Variants in ZNF420 observed in about 807,000 individuals in gnomAD.
ZNF420 encodes zinc finger protein 420.
In ZNF420, 31 loss-of-function variants were observed where a neutral mutation model predicts 44.7. The observed-to-expected ratio is 0.69, with a 90% CI of 0.52 to 0.94. ZNF420 has a LOEUF of 0.94. Among genes scored for constraint, ZNF420 ranks in the 40% least tolerant of loss-of-function variants. The pLI is 0.00. For synonymous variants in ZNF420, 245 were observed against 267.4 expected, an observed-to-expected ratio of 0.92 and a Z score of 0.82; for missense variants, 681 against 827.9, an observed-to-expected ratio of 0.82 and a Z score of 2.18.
chr19:37,058,439 G>A (rs1473149754), intron 1 of ZNF420, among the ~76,000 whole-genome samples: 8 of 152,112 alleles, frequency 5.3e-5, no homozygotes, highest in Admixed American at 3.9e-4. Flanking sequence ...TGGATGGACT[G>A]CCTCCCAGAA....
chr19:37,073,683 T>TGAGCC (rs1353685841), upstream of ZNF420, among the ~76,000 whole-genome samples: 1 of 142,844 alleles, frequency 7.0e-6, no homozygotes, highest in Non-Finnish European at 1.5e-5. Flanking sequence ...GAGGTTGCAG[T>TGAGCC]GAGCCGAGCC....
At chr19:37,023,087 G>A (rs969210559) in intron 1 of ZNF420, among the ~76,000 whole-genome samples, 3 of 151,862 alleles carry the variant, frequency 2.0e-5, no homozygotes, top group East Asian at 3.9e-4. Flanking sequence ...GCAGTGAGCC[G>A]AGATTGCACC....
intron 1 of ZNF420, among the ~76,000 whole-genome samples, chr19:37,027,302 A>G (rs1384294081): frequency 6.6e-6 from 1 of 152,226 alleles, no homozygotes; most frequent in Non-Finnish European, 1.5e-5. Flanking sequence ...TTGTAGGTGT[A>G]CAGAAAAACA....
chr19:37,019,956 G>GC (rs1249545759), intron 1 of ZNF420, among the ~76,000 whole-genome samples: 50 of 151,996 alleles, frequency 3.3e-4, no homozygotes, highest in African/African-American at 1.1e-3. Flanking sequence ...GGTGGCTCAC[G>GC]CCTGTAATCT....
chr19:37,043,433 T>C (rs2146413663), intron 1 of ZNF420, among the ~76,000 whole-genome samples: 1 of 152,376 alleles, frequency 6.6e-6, no homozygotes, highest in South Asian at 2.1e-4. Flanking sequence ...ATTTATATTA[T>C]AACCTAAATT....
chr19:37,108,715 A>C (rs1223585181), intron 4 of ZNF420, among the ~76,000 whole-genome samples: 3 of 152,136 alleles, frequency 2.0e-5, no homozygotes, highest in African/African-American at 7.2e-5. Context: ...CCCATTCCCA[A>C]GGGTAGAAAG....
chr19:37,129,916 C>G lies in ZNF420; in HGVS notation c.*858C>G, dbSNP rs1227480942. 2.3e-6 allele frequency: 3 copies of G among 1,298,656 alleles called. No individual in the cohort carries two copies. Among genetic ancestry groups the G allele is most frequent in the South Asian group, 1.8e-5 (1 of 55,904 alleles). 80.4% of individuals were successfully genotyped at this position (1,298,656 alleles called of 1,614,324 possible). On this transcript the variant is annotated 3_prime_UTR_variant, in exon 5 of 5. Coordinates refer to ENST00000337995, the MANE Select transcript of ZNF420 (RefSeq NM_144689.5). The stretch of plus-strand genomic sequence containing the variant: ...ATTGCTTTTGAAGTAAACAAAATAA[C>G]TGATATTACAGACTATTTTGCAATG...
At chr19:37,118,698 C>T (rs556385387) in intron 4 of ZNF420, among the ~76,000 whole-genome samples, 1 of 151,152 alleles carries the variant, frequency 6.6e-6, no homozygotes, top group East Asian at 2.0e-4. Context: ...AGTCAAGACC[C>T]ATCAGTGTGC....
At chr19:37,120,185 A>G (rs1219401135) in intron 4 of ZNF420, among the ~76,000 whole-genome samples, 1 of 152,220 alleles carries the variant, frequency 6.6e-6, no homozygotes, top group African/African-American at 2.4e-5. Flanking sequence ...AGAATTTTAG[A>G]CCAATATTCC....
At chr19:37,107,608 CCTTTT>C (rs1162955922) in intron 4 of ZNF420, 2 of 151,840 alleles carry the variant, frequency 1.3e-5, no homozygotes, top group Non-Finnish European at 2.9e-5. Flanking sequence ...CCCATTTCCC[CCTTTT>C]CTTTTGGACA....
rs1971592433 is a variant in ZNF420 at position 37,130,227 on chromosome 19, G to C, written c.*1169G>C. The C allele has an allele frequency of 6.5e-7, 1 of 1,541,792 alleles. No individual in the cohort carries two copies. Among genetic ancestry groups the C allele is most frequent in the Admixed American group, 2.0e-5 (1 of 49,474 alleles). The stretch of plus-strand genomic sequence containing the variant: ...TGGAGCAGAAATACAGAAGGAGTCT[G>C]CAACCCTGATGACTTTGTGGAACAG... On this transcript the variant is annotated 3_prime_UTR_variant, in exon 5 of 5. Coordinates refer to ENST00000337995, the MANE Select transcript of ZNF420 (RefSeq NM_144689.5).
chr19:37,083,387 C>G (rs1968581619), intron 2 of ZNF420, among the ~76,000 whole-genome samples: 1 of 152,136 alleles, frequency 6.6e-6, no homozygotes, highest in Non-Finnish European at 1.5e-5. Context: ...CATCCTTTCT[C>G]AATGTCTTGG....
intron 4 of ZNF420, chr19:37,107,049 T>G (rs933609014): frequency 1.3e-5 from 2 of 152,006 alleles, no homozygotes; most frequent in Admixed American, 6.5e-5. Flanking sequence ...GAACATACAA[T>G]TGGGTTTTAC....
intron 1 of ZNF420, among the ~76,000 whole-genome samples, chr19:37,011,331 A>C (rs561136766): frequency 6.6e-6 from 1 of 152,280 alleles, no homozygotes; most frequent in South Asian, 2.1e-4. Context: ...TCCATGTTTC[A>C]TGGGATGGCT....
chr19:37,091,027 C>T lies in ZNF420; in HGVS notation c.42C>T (p.Asp14=), dbSNP rs376320020. 1 of 1,613,288 alleles carries T rather than the reference C, an allele frequency of 6.2e-7. No homozygotes were observed. Among genetic ancestry groups the T allele is most frequent in the Non-Finnish European group, 8.5e-7 (1 of 1,179,770 alleles). The change falls in exon 4 of 5, where the codon GAC becomes GAT. Residue 14 remains aspartate (D), a synonymous_variant. Coordinates refer to ENST00000337995, the MANE Select transcript of ZNF420 (RefSeq NM_144689.5). ...TGATGTTCAGGGATGTTGCCATTGA[C>T]TTCTCTCAGGAAGAGTGGGAATGCC... ...KLVMFRDVAI[D]FSQEEWECLD...
chr19:37,051,581 T>C (rs1422300718), intron 1 of ZNF420, among the ~76,000 whole-genome samples: 1 of 152,226 alleles, frequency 6.6e-6, no homozygotes, highest in Non-Finnish European at 1.5e-5. Flanking sequence ...TTTATCATTT[T>C]TTATTGCATC....
chr19:37,062,603 A>G (rs1460272746), intron 1 of ZNF420, among the ~76,000 whole-genome samples: 1 of 152,180 alleles, frequency 6.6e-6, no homozygotes, highest in African/African-American at 2.4e-5. Flanking sequence ...TCTAATTGAA[A>G]GTTTCTCCTT....
intron 4 of ZNF420, among the ~76,000 whole-genome samples, chr19:37,095,129 CAA>C (rs57353744): frequency 0.043 from 2,737 of 63,298 alleles, 58 homozygotes; most frequent in East Asian, 0.11. Context: ...GACTCTGTCT[CAA>C]AAAAAAAAAA....
At chr19:37,067,992 AGT>A (rs765393804) in intron 1 of ZNF420, among the ~76,000 whole-genome samples, 2 of 151,724 alleles carry the variant, frequency 1.3e-5, no homozygotes, top group African/African-American at 4.9e-5. Flanking sequence ...AATATATATT[AGT>A]GTGTGTGTGT....
Sources: gnomAD v4.1 joint callset for allele counts (sites outside exome capture counted in the v4.1 genomes callset) on GRCh38, gnomAD v4.1.1 for gene constraint, MANE v1.5 for transcripts, NCBI Gene and HGNC (gene_info 2026-07-23, HGNC 2026-07-21) for gene names.